ARHGEF9: variants seen among roughly 807,000 people sequenced by gnomAD.
The protein encoded by ARHGEF9 is rho guanine nucleotide exchange factor 9.
ARHGEF9 carries 2 observed loss-of-function variants against 41.3 expected under a neutral mutation model. The ratio of observed to expected loss-of-function variants is 0.05; its 90% confidence interval spans 0.02 to 0.15. The LOEUF is 0.15. Ranked by LOEUF, ARHGEF9 falls within the 10% of genes least tolerant of loss-of-function variation. ARHGEF9 has a pLI of 1.00. For synonymous variants in ARHGEF9, 160 were observed against 154.4 expected (o/e 1.04, Z -0.27); for missense variants, 225 against 424.7 (o/e 0.53, Z 4.13).
rs868911113 is a variant in ARHGEF9 at position 63,637,850 on chromosome X, G to C, written c.*178C>G. On this transcript the variant is annotated 3_prime_UTR_variant, in exon 10 of 10. Coordinates refer to ENST00000671741, the MANE Select transcript of ARHGEF9 (RefSeq NM_001353921.2). ...ACACTTTTGTTCCTTATCTCTCTGT[G>C]TGTGTGTGTGTGTGTGTGTGTGTGT... The C allele has an allele frequency of 1.5e-3, 380 of 247,619 alleles. 3 individuals carry two copies. Among genetic ancestry groups the C allele is most frequent in the African/African-American group, 0.014 (287 of 21,241 alleles). The allele number at this position is 247,619 out of a possible 1,213,427, so 20.4% of individuals were successfully genotyped here. A position where few individuals can be genotyped will look rare whatever the true frequency, so the allele number is the denominator to read the frequency against.
chrX:63,777,063 T>C (rs2056305765), intron 1 of ARHGEF9, among the ~76,000 whole-genome samples: 1 of 112,072 alleles, frequency 8.9e-6, no homozygotes, highest in Non-Finnish European at 1.9e-5. Flanking sequence ...ATGTCATGTA[T>C]TAGCCCATTC....
At chrX:63,783,462 G>T (rs2056414300) in intron 1 of ARHGEF9, among the ~76,000 whole-genome samples, 1 of 110,783 alleles carries the variant, frequency 9.0e-6, no homozygotes, top group Non-Finnish European at 1.9e-5. Context: ...CTCCACGTTG[G>T]TCAGGCTGTT....
At chrX:63,703,179 C>T (rs1295956030) in intron 3 of ARHGEF9, 1 of 112,132 alleles carries the variant, frequency 8.9e-6, no homozygotes, top group Admixed American at 9.5e-5. Flanking sequence ...CCTTCAGCAC[C>T]AATAATTGTT....
chrX:63,754,441 A>G, intron 1 of ARHGEF9: 1 of 1,155,632 alleles, frequency 8.7e-7, no homozygotes, highest in South Asian at 2.1e-5. Context: ...CTCGGGATGA[A>G]ATCAAAGCGA....
At chrX:63,648,141 A>C (rs1334244108) in intron 8 of ARHGEF9, among the ~76,000 whole-genome samples, 1 of 111,047 alleles carries the variant, frequency 9.0e-6, no homozygotes, top group East Asian at 2.8e-4. Flanking sequence ...TCCAAGACAC[A>C]TAATTGTCAG....
intron 4 of ARHGEF9, among the ~76,000 whole-genome samples, chrX:63,694,958 AAC>A (rs782528336): frequency 1.8e-5 from 2 of 112,877 alleles, no homozygotes; most frequent in East Asian, 2.8e-4. Context: ...TAAAAGAGAT[AAC>A]ACACAGTGTT....
intron 1 of ARHGEF9, among the ~76,000 whole-genome samples, chrX:63,775,428 G>C (rs1438377556): frequency 8.9e-6 from 1 of 112,362 alleles, no homozygotes; most frequent in Non-Finnish European, 1.9e-5. Flanking sequence ...AATCAACCTA[G>C]ATGCCCGTCA....
intron 1 of ARHGEF9, among the ~76,000 whole-genome samples, chrX:63,756,561 G>A (rs782348419): frequency 8.9e-6 from 1 of 112,434 alleles, no homozygotes; most frequent in Non-Finnish European, 1.9e-5. Context: ...AGTGAAAGAC[G>A]TGAGAAAAAG....
intron 9 of ARHGEF9, among the ~76,000 whole-genome samples, chrX:63,643,450 C>T (rs782568318): frequency 7.4e-5 from 8 of 108,731 alleles, no homozygotes; most frequent in Non-Finnish European, 1.3e-4. Flanking sequence ...CCTCCGCCTC[C>T]CAGGTTCAAG....
At chrX:63,729,323 A>G (rs1248325507) in intron 1 of ARHGEF9, among the ~76,000 whole-genome samples, 1 of 111,427 alleles carries the variant, frequency 9.0e-6, no homozygotes, top group African/African-American at 3.3e-5. Context: ...TTGGGAAATC[A>G]AGATTTATGC....
intron 4 of ARHGEF9, among the ~76,000 whole-genome samples, chrX:63,688,641 G>T (rs1290835346): frequency 9.0e-6 from 1 of 111,710 alleles, no homozygotes; most frequent in East Asian, 2.8e-4. Context: ...GTGATGGCAC[G>T]TGCCTATAAT....
chrX:63,642,820 C>T (rs1265611446), intron 9 of ARHGEF9: 2 of 111,332 alleles, frequency 1.8e-5, no homozygotes, highest in African/African-American at 6.5e-5. Flanking sequence ...GGACAGTGAA[C>T]ATGGCTATCA....
intron 8 of ARHGEF9, among the ~76,000 whole-genome samples, chrX:63,648,809 G>T (rs2048315359): frequency 9.0e-6 from 1 of 110,876 alleles, no homozygotes; most frequent in Non-Finnish European, 1.9e-5. Context: ...TCCTAGTCTT[G>T]GTTAAAACAG....
chrX:63,643,477 A>G (rs1387146338), intron 9 of ARHGEF9, among the ~76,000 whole-genome samples: 3 of 108,764 alleles, frequency 2.8e-5, no homozygotes, highest in East Asian at 2.9e-4. Context: ...TCCTGCCTCA[A>G]TCTCCCCAGT....
chrX:63,701,116 C>G (rs2052133920), intron 3 of ARHGEF9, among the ~76,000 whole-genome samples: 1 of 111,543 alleles, frequency 9.0e-6, no homozygotes, highest in South Asian at 3.8e-4. Flanking sequence ...GTGCATTGAT[C>G]TAGAAGTAAT....
At chrX:63,783,603 C>T (rs782374671) in intron 1 of ARHGEF9, among the ~76,000 whole-genome samples, 1 of 111,549 alleles carries the variant, frequency 9.0e-6, no homozygotes, top group South Asian at 3.8e-4. Context: ...AAGTCCTTTC[C>T]CAAGATCATG....
At chrX:63,721,795 T>C (rs782277353) in intron 2 of ARHGEF9, among the ~76,000 whole-genome samples, 7 of 110,499 alleles carry the variant, frequency 6.3e-5, no homozygotes, top group Admixed American at 1.9e-4. Context: ...TCATTTAACC[T>C]TACCAACTAC....
At chrX:63,666,131 C>T in intron 6 of ARHGEF9, 114 bp from the exon 7 acceptor site, 1 of 998,163 alleles carries the variant, frequency 1.0e-6, no homozygotes. Context: ...CAGAAAGGGC[C>T]TGGTAGAGAC....
At chrX:63,689,875 A>C (rs145357059) in intron 4 of ARHGEF9, among the ~76,000 whole-genome samples, 83 of 112,251 alleles carry the variant, frequency 7.4e-4, no homozygotes, top group African/African-American at 2.6e-3. Flanking sequence ...ACCGAAATTA[A>C]ATACATTGCT....
Sources: allele counts gnomAD v4.1 joint callset (sites outside exome capture counted in the v4.1 genomes callset), GRCh38; gene constraint gnomAD v4.1.1; transcripts MANE v1.5; gene names NCBI Gene and HGNC (gene_info 2026-07-23, HGNC 2026-07-21).